MED27: variants seen among roughly 807,000 people sequenced by gnomAD.
MED27 encodes mediator of RNA polymerase II transcription subunit 27.
In MED27, 30 loss-of-function variants were observed where a neutral mutation model predicts 38.2. The observed-to-expected ratio is 0.79, with a 90% CI of 0.59 to 1.07. MED27 has a LOEUF of 1.07. MED27 is among the 50% of genes least tolerant of loss of function. The pLI is 0.00. For synonymous variants in MED27, 122 were observed against 153.5 expected, an observed-to-expected ratio of 0.79 and a Z score of 1.52; for missense variants, 289 against 397.5, an observed-to-expected ratio of 0.73 and a Z score of 2.32.
At chr9:131,898,415 AT>A (rs1829870335) in intron 4 of MED27, among the ~76,000 whole-genome samples, 1 of 152,042 alleles carries the variant, frequency 6.6e-6, no homozygotes, top group Non-Finnish European at 1.5e-5. Context: ...GGGTTTCGCC[AT>A]GTTGACCAGG....
chr9:131,870,169 G>A (rs1284940442), intron 6 of MED27, among the ~76,000 whole-genome samples: 1 of 152,162 alleles, frequency 6.6e-6, no homozygotes, highest in Non-Finnish European at 1.5e-5. Flanking sequence ...AACCCAGAGT[G>A]GCACTGCTTG....
rs540725585 is a variant in MED27 at position 131,967,963 on chromosome 9, A to T, written c.480-28489T>A. On this transcript the variant is annotated intron_variant, in intron 3 of 7. Transcript: ENST00000292035. Reference sequence around the variant, plus strand: ...CTCCTGATTAGCTGGGACTACAGGCATCCACCACCATGCCCAGCTAATTTT... The same window carrying T: ...CTCCTGATTAGCTGGGACTACAGGCTTCCACCACCATGCCCAGCTAATTTT... 8.1e-4 allele frequency among the ~76,000 whole-genome samples: 123 copies of T among 151,924 alleles called. 1 individual carries two copies. Among genetic ancestry groups the T allele is most frequent in the Admixed American group, 7.0e-3 (106 of 15,242 alleles).
intron 5 of MED27, among the ~76,000 whole-genome samples, chr9:131,891,273 A>G (rs981376257): frequency 6.6e-6 from 1 of 152,216 alleles, no homozygotes; most frequent in Non-Finnish European, 1.5e-5. Flanking sequence ...ACGCGGCTGG[A>G]GATAAGATGA....
At chr9:131,903,856 T>C (rs1165547630) in intron 4 of MED27, among the ~76,000 whole-genome samples, 1 of 151,142 alleles carries the variant, frequency 6.6e-6, no homozygotes, top group East Asian at 1.9e-4. Flanking sequence ...GCCTCCCAAA[T>C]AGTTGGGACT....
At chr9:131,990,767 T>G (rs1027487743) in intron 3 of MED27, among the ~76,000 whole-genome samples, 9 of 152,334 alleles carry the variant, frequency 5.9e-5, no homozygotes, top group African/African-American at 2.2e-4. Context: ...GCAGCAGCTG[T>G]GGCTGAACTG....
At chr9:131,970,311 G>GGCCT (rs1346451246) in intron 3 of MED27, among the ~76,000 whole-genome samples, 1 of 152,234 alleles carries the variant, frequency 6.6e-6, no homozygotes, top group Non-Finnish European at 1.5e-5. Context: ...GGCTGTCCAG[G>GGCCT]GCCTGGCAGG....
intron 3 of MED27, among the ~76,000 whole-genome samples, chr9:131,967,493 T>C (rs1001065895): frequency 6.6e-6 from 1 of 152,054 alleles, no homozygotes; most frequent in African/African-American, 2.4e-5. Context: ...ATCTTTTTTT[T>C]TTTTTTTTAA....
intron 4 of MED27, among the ~76,000 whole-genome samples, chr9:131,896,001 C>A (rs966355099): frequency 6.6e-6 from 1 of 151,912 alleles, no homozygotes; most frequent in African/African-American, 2.4e-5. Context: ...CAGGTTCAAG[C>A]GATTCTCCTG....
intron 3 of MED27, among the ~76,000 whole-genome samples, chr9:131,956,817 T>A (rs1176506063): frequency 1.4e-5 from 2 of 147,308 alleles, no homozygotes; most frequent in Non-Finnish European, 3.0e-5. Context: ...CAACACCCAA[T>A]TGATGATTAA....
At chr9:131,911,411 T>C (rs995422109) in intron 4 of MED27, among the ~76,000 whole-genome samples, 5 of 152,226 alleles carry the variant, frequency 3.3e-5, no homozygotes, top group African/African-American at 4.8e-5. Context: ...CTAGCTTTGC[T>C]TGGTTCCATG....
chr9:131,948,977 C>T lies in MED27; in HGVS notation c.480-9503G>A, dbSNP rs544185272. ...AATCAATGCACAAGGGCCCAGCACA[C>T]GCTGAAACGTATAAACCAACCTGCC... On this transcript the variant is annotated intron_variant, in intron 3 of 7. Transcript: ENST00000292035. Among the ~76,000 whole-genome samples the T allele has an allele frequency of 1.5e-4, 23 of 152,334 alleles. 1 individual carries two copies. The highest frequency in any genetic ancestry group is 9.6e-4 in the East Asian group (5 of 5,192).
chr9:131,898,100 GA>G (rs1179336417), intron 4 of MED27, among the ~76,000 whole-genome samples: 9 of 143,474 alleles, frequency 6.3e-5, no homozygotes, highest in Non-Finnish European at 9.0e-5. Flanking sequence ...ATGCAGGTTT[GA>G]TTTTTTTTTT....
intron 3 of MED27, among the ~76,000 whole-genome samples, chr9:131,941,028 T>A (rs1021010644): frequency 6.6e-6 from 1 of 152,202 alleles, no homozygotes; most frequent in Non-Finnish European, 1.5e-5. Context: ...CCTCTCTTAC[T>A]GGGATAAATT....
At position 131,978,068 on chromosome 9, in the gene MED27, T is replaced by C. The variant is rs1831647028; in HGVS notation, c.479+36269A>G. Reference sequence around the variant, plus strand: ...TCCTGCTAGAACACAATACCATCGATGAAGCAGCCTTGTGAAAACAAACAA... The same window carrying C: ...TCCTGCTAGAACACAATACCATCGACGAAGCAGCCTTGTGAAAACAAACAA... On this transcript the variant is annotated intron_variant, in intron 3 of 7. Transcript: ENST00000292035. Among the ~76,000 whole-genome samples the C allele has an allele frequency of 2.6e-5, 4 of 152,212 alleles. No individual in the cohort carries two copies. The South Asian group carries it at 8.3e-4, about 31-fold the overall frequency.
chr9:131,956,602 G>A (rs1198555439), intron 3 of MED27, among the ~76,000 whole-genome samples: 26 of 146,784 alleles, frequency 1.8e-4, no homozygotes, highest in Non-Finnish European at 3.0e-4. Context: ...GTGACAGAGT[G>A]AGACTCCGCC....
At chr9:132,068,456 T>G (rs1282518780) in intron 2 of MED27, among the ~76,000 whole-genome samples, 2 of 151,326 alleles carry the variant, frequency 1.3e-5, no homozygotes, top group Non-Finnish European at 2.9e-5. Context: ...GAGTGGAAAA[T>G]AGATTAGAAA....
rs555124419 is a variant in MED27, at chr9:131,953,943, G to A, written c.480-14469C>T. Reference sequence around the variant, plus strand: ...AGTGATTCTTGTGCCTCAGCCTCCTGGGTAGTTAGGATTACAGGCCCCTAC... The same window carrying A: ...AGTGATTCTTGTGCCTCAGCCTCCTAGGTAGTTAGGATTACAGGCCCCTAC... On this transcript the variant is annotated intron_variant, in intron 3 of 7. Coordinates refer to ENST00000292035, the MANE Select transcript of MED27 (RefSeq NM_004269.4). 2.8e-4 allele frequency among the ~76,000 whole-genome samples: 43 copies of A among 151,436 alleles called. No homozygotes were observed. In the South Asian group the frequency reaches 8.4e-3, roughly 29 times the overall value.
Position 132,076,759 on chromosome 9 carries a change from C to CAAAAGG in MED27, c.348+677_348+682dup, listed in dbSNP as rs1834057370. ...TACGCCACACCACATAGCACCCAAA[C>CAAAAGG]AAAAGGAACTTGTTAGTAAACAAAC... On this transcript the variant is annotated intron_variant, in intron 2 of 7. Transcript: ENST00000292035. Among the ~76,000 whole-genome samples the CAAAAGG allele has an allele frequency of 2.6e-5, 4 of 152,286 alleles. No individual in the cohort carries two copies. In the South Asian group the frequency reaches 8.3e-4, roughly 32 times the overall value.
intron 5 of MED27, among the ~76,000 whole-genome samples, chr9:131,893,562 T>C (rs1839262839): frequency 6.6e-6 from 1 of 152,172 alleles, no homozygotes; most frequent in African/African-American, 2.4e-5. Flanking sequence ...AACCTTGGGC[T>C]ACTGAGGAGC....
Sources: allele counts gnomAD v4.1 joint callset (sites outside exome capture counted in the v4.1 genomes callset), GRCh38; gene constraint gnomAD v4.1.1; transcripts MANE v1.5; gene names NCBI Gene and HGNC (gene_info 2026-07-23, HGNC 2026-07-21).